Variants in VTI1A observed in about 807,000 individuals in gnomAD.
VTI1A encodes the protein vesicle transport through interaction with t-SNAREs 1A, also known as vesicle transport through interaction with t-SNAREs homolog 1A.
VTI1A carries 22 observed loss-of-function variants against 34.9 expected under a neutral mutation model. The ratio of observed to expected loss-of-function variants is 0.63; its 90% CI spans 0.45 to 0.90. VTI1A has a LOEUF of 0.90. Among genes scored for constraint, VTI1A ranks in the 40% least tolerant of loss-of-function variants. The pLI is 0.00. For missense variants in VTI1A, 268 were observed against 275.6 expected, an observed-to-expected ratio of 0.97 and a Z score of 0.20; for synonymous variants, 87 against 97.3, an observed-to-expected ratio of 0.89 and a Z score of 0.62.
At chr10:112,564,040 C>G (rs1479343086) in intron 5 of VTI1A, among the ~76,000 whole-genome samples, 1 of 150,956 alleles carries the variant, frequency 6.6e-6, no homozygotes, top group South Asian at 2.1e-4. Flanking sequence ...AAAATATCTA[C>G]TAAAATGTTG....
rs532634855 is a variant in VTI1A at position 112,817,268 on chromosome 10, G to A, written c.*1885G>A. The A allele has an allele frequency of 3.2e-4, 75 of 231,988 alleles. No individual in the cohort carries two copies. Among genetic ancestry groups the A allele is most frequent in the African/African-American group, 1.4e-3 (63 of 45,354 alleles). The allele number at this position is 231,988 out of a possible 1,614,324, so 14.4% of individuals were successfully genotyped here. On this transcript the variant is annotated 3_prime_UTR_variant, in exon 8 of 8. Transcript: ENST00000393077. ...TATAACCAGTTACCAGCTGCACTTC[G>A]CACGGCCATCCCGTCCACAATGCAG...
Position 112,606,753 on chromosome 10 carries a change from G to T in VTI1A, c.428-61465G>T, listed in dbSNP as rs1454094537. On this transcript the variant is annotated intron_variant, in intron 5 of 7. Transcript: ENST00000393077. ...GATGGCTAAGATGAGAATGGGAAAA[G>T]AACTAGAGGGAAGACTCACTTTTCT... 2.6e-5 allele frequency among the ~76,000 whole-genome samples: 4 copies of T among 152,182 alleles called. No homozygotes were observed. The East Asian group carries it at 7.7e-4, about 29-fold the overall frequency.
intron 5 of VTI1A, among the ~76,000 whole-genome samples, chr10:112,623,116 G>A (rs147082720): frequency 6.6e-6 from 1 of 152,268 alleles, no homozygotes; most frequent in African/African-American, 2.4e-5. Flanking sequence ...GATTATGTTT[G>A]ATTGATGACT....
intron 5 of VTI1A, among the ~76,000 whole-genome samples, chr10:112,627,395 T>C (rs1845962900): frequency 6.6e-6 from 1 of 152,186 alleles, no homozygotes; most frequent in African/African-American, 2.4e-5. Context: ...CCCTAGTCCT[T>C]ATATGACAGT....
chr10:112,826,431 A>G, the VTI1A span: 1 of 152,236 alleles, frequency 6.6e-6, no homozygotes, highest in Non-Finnish European at 1.5e-5. Flanking sequence ...AATGAAGTCT[A>G]AAAGCAGCCC....
At chr10:112,515,695 A>G (rs540151871) in intron 3 of VTI1A, among the ~76,000 whole-genome samples, 2 of 152,188 alleles carry the variant, frequency 1.3e-5, no homozygotes, top group Admixed American at 1.3e-4. Context: ...CTAGCCACTG[A>G]ATTTTGACTT....
chr10:112,527,194 G>A (rs1850262550), intron 4 of VTI1A, 30 bp downstream of exon 4: 4 of 1,607,412 alleles, frequency 2.5e-6, no homozygotes, highest in East Asian at 2.2e-5. Flanking sequence ...GGCCCGGTGG[G>A]TGGCTGGAGG....
intron 7 of VTI1A, among the ~76,000 whole-genome samples, chr10:112,719,008 A>G (rs1041412942): frequency 6.6e-6 from 1 of 152,226 alleles, no homozygotes; most frequent in South Asian, 2.1e-4. Context: ...AGTGTTTTCA[A>G]TATGAACCTT....
chr10:112,802,600 G>T (rs1852912081), intron 7 of VTI1A, among the ~76,000 whole-genome samples: 1 of 152,224 alleles, frequency 6.6e-6, no homozygotes, highest in African/African-American at 2.4e-5. Context: ...GGCTGCAGCT[G>T]TCCTCACTGC....
At chr10:112,696,506 C>T (rs994987984) in intron 7 of VTI1A, among the ~76,000 whole-genome samples, 3 of 152,084 alleles carry the variant, frequency 2.0e-5, no homozygotes, top group Admixed American at 2.0e-4. Context: ...TGCTCTGTTA[C>T]AAAGTAAAAT....
At chr10:112,774,742 CT>C (rs1851909258) in intron 7 of VTI1A, among the ~76,000 whole-genome samples, 1 of 152,138 alleles carries the variant, frequency 6.6e-6, no homozygotes, top group South Asian at 2.1e-4. Flanking sequence ...CTCTTATTAC[CT>C]GGAAACCATT....
chr10:112,574,744 A>G lies in VTI1A; in HGVS notation c.427+36414A>G, dbSNP rs145264024. On this transcript the variant is annotated intron_variant, in intron 5 of 7. Coordinates refer to ENST00000393077, the MANE Select transcript of VTI1A (RefSeq NM_145206.4). ...CATAAAATCGAATGGACATGACAGA[A>G]GTAAATGAGTGAGTACAGTGTAGGT... Among the ~76,000 whole-genome samples the G allele has an allele frequency of 7.9e-4, 121 of 152,352 alleles. 1 individual carries two copies. The highest frequency in any genetic ancestry group is 3.4e-3 in the Middle Eastern group (1 of 294).
chr10:112,748,152 A>G (rs1422726124), intron 7 of VTI1A, among the ~76,000 whole-genome samples: 1 of 152,078 alleles, frequency 6.6e-6, no homozygotes, highest in Non-Finnish European at 1.5e-5. Context: ...CCCTTCCACC[A>G]TAGGCTGCTG....
the VTI1A span, among the ~76,000 whole-genome samples, chr10:112,847,692 G>T: frequency 6.6e-6 from 1 of 152,174 alleles, no homozygotes; most frequent in Admixed American, 6.5e-5. Flanking sequence ...GATCCTCAGG[G>T]AACATTCTTT....
At chr10:112,648,912 C>G (rs1161208523) in intron 5 of VTI1A, among the ~76,000 whole-genome samples, 1 of 151,974 alleles carries the variant, frequency 6.6e-6, no homozygotes. Flanking sequence ...TAAATAATTT[C>G]TTTACTCATC....
In VTI1A at chr10:112,678,888, A is replaced by G. The variant is rs1430123099; in HGVS notation, c.560+9890A>G. The stretch of plus-strand genomic sequence containing the variant: ...TACATCACAAACGCAGGAGGACAAA[A>G]GGGGATTTCATCATCTTGCAGGGCA... On this transcript the variant is annotated intron_variant, in intron 7 of 7. Coordinates refer to ENST00000393077, the MANE Select transcript of VTI1A (RefSeq NM_145206.4). Among the ~76,000 whole-genome samples, 10 of 152,232 alleles carry G rather than the reference A, an allele frequency of 6.6e-5. No homozygotes were observed. In the East Asian group the frequency reaches 1.9e-3, roughly 29 times the overall value.
chr10:112,645,411 A>G (rs1327312022), intron 5 of VTI1A, among the ~76,000 whole-genome samples: 4 of 152,234 alleles, frequency 2.6e-5, no homozygotes, highest in Non-Finnish European at 5.9e-5. Context: ...AGTGCTGTGC[A>G]GGATTCTTCT....
At chr10:112,584,806 T>C (rs1844083716) in intron 5 of VTI1A, among the ~76,000 whole-genome samples, 1 of 152,204 alleles carries the variant, frequency 6.6e-6, no homozygotes, top group Non-Finnish European at 1.5e-5. Flanking sequence ...CATAGCCTCC[T>C]TACATGCAGT....
At chr10:112,762,980 C>G (rs1423384534) in intron 7 of VTI1A, among the ~76,000 whole-genome samples, 1 of 152,174 alleles carries the variant, frequency 6.6e-6, no homozygotes, top group Non-Finnish European at 1.5e-5. Context: ...AAAGATGTTT[C>G]TGCATAGCCT....
Sources: gnomAD v4.1 joint callset for allele counts (sites outside exome capture counted in the v4.1 genomes callset) on GRCh38, gnomAD v4.1.1 for gene constraint, MANE v1.5 for transcripts, NCBI Gene and HGNC (gene_info 2026-07-23, HGNC 2026-07-21) for gene names.